The following PCDH15 variants were observed in gnomAD, a reference collection of about 807,000 sequenced individuals.
The protein encoded by PCDH15 is protocadherin related 15, also known as protocadherin-15.
In PCDH15, 129 loss-of-function variants were observed where a neutral mutation model predicts 178.5. The observed-to-expected ratio is 0.72, with a 90% CI of 0.63 to 0.84. The LOEUF (loss-of-function observed/expected upper bound fraction) is 0.84. PCDH15 is among the 40% of genes least tolerant of loss of function. The probability of loss-of-function intolerance (pLI) is 0.00; values close to 1 mark genes in which losing one functional copy is unlikely to be tolerated. For missense variants in PCDH15, 2,230 were observed against 2,099.9 expected (o/e 1.06, Z -1.21); for synonymous variants, 800 against 732.0 (o/e 1.09, Z -1.50).
chr10:54,527,769 A>G (rs998664879), intron 3 of PCDH15, 43 bp downstream of exon 3: 1 of 1,494,964 alleles, frequency 6.7e-7, no homozygotes. Context: ...TCTGAAGAAA[A>G]CCCTCTTAGA....
At chr10:54,451,081 T>C (rs1010304170) in intron 3 of PCDH15, among the ~76,000 whole-genome samples, 1 of 151,876 alleles carries the variant, frequency 6.6e-6, no homozygotes, top group Non-Finnish European at 1.5e-5. Flanking sequence ...AATCTAAATG[T>C]TATTTTTAAC....
At chr10:54,786,250 G>C (rs1018654245) in intron 1 of PCDH15, among the ~76,000 whole-genome samples, 1 of 151,954 alleles carries the variant, frequency 6.6e-6, no homozygotes, top group Non-Finnish European at 1.5e-5. Context: ...GGAGTCCATA[G>C]TTAAAGTCTC....
chr10:54,897,014 GT>G (rs796561694), intron 3 of PCDH15, among the ~76,000 whole-genome samples: 43 of 152,194 alleles, frequency 2.8e-4, no homozygotes, highest in African/African-American at 1.0e-3. Flanking sequence ...TAGGTTTTAT[GT>G]TTTTCCAAAT....
intron 2 of PCDH15, among the ~76,000 whole-genome samples, chr10:55,623,899 T>C (rs1473348744): frequency 1.3e-5 from 2 of 152,108 alleles, no homozygotes; most frequent in Non-Finnish European, 1.5e-5. Flanking sequence ...AGGGTAAAAT[T>C]ATTCAAAATA....
intron 2 of PCDH15, among the ~76,000 whole-genome samples, chr10:54,572,798 T>A (rs2089999934): frequency 6.6e-6 from 1 of 152,042 alleles, no homozygotes; most frequent in Non-Finnish European, 1.5e-5. Flanking sequence ...AAAAATAAGT[T>A]CAAACAAGTA....
At chr10:55,513,544 G>A (rs1358593495) in intron 2 of PCDH15, among the ~76,000 whole-genome samples, 1 of 151,926 alleles carries the variant, frequency 6.6e-6, no homozygotes, top group East Asian at 1.9e-4. Context: ...GTGATAAAAC[G>A]GATAATGTTG....
intron 2 of PCDH15, among the ~76,000 whole-genome samples, chr10:55,000,299 G>A (rs1390938162): frequency 2.0e-5 from 3 of 152,160 alleles, no homozygotes; most frequent in Non-Finnish European, 4.4e-5. Flanking sequence ...TCTCAGGGAT[G>A]TTCCTTGCTG....
chr10:55,437,246 G>A (rs919959441), intron 2 of PCDH15, among the ~76,000 whole-genome samples: 2 of 149,880 alleles, frequency 1.3e-5, no homozygotes, highest in Admixed American at 1.3e-4. Context: ...AAGAGCTGCT[G>A]AGTCAGCCCC....
intron 3 of PCDH15, among the ~76,000 whole-genome samples, chr10:54,462,495 C>CT (rs58985752): frequency 1.3e-5 from 1 of 76,388 alleles, no homozygotes; most frequent in African/African-American, 5.0e-5. Flanking sequence ...CTTTTCTTTT[C>CT]TTTTTCTTTT....
At chr10:55,613,017 ATTTTTTTTT>A (rs34403286) in intron 2 of PCDH15, among the ~76,000 whole-genome samples, 1 of 82,388 alleles carries the variant, frequency 1.2e-5, no homozygotes, top group African/African-American at 4.6e-5. Context: ...TACTAGCCAG[ATTTTTTTTT>A]TTTTTTTTTT....
Position 54,569,558 on chromosome 10 carries a change from T to C in PCDH15, c.92-41681A>G, listed in dbSNP as rs974572226. On this transcript the variant is annotated intron_variant, in intron 2 of 37. Coordinates refer to ENST00000644397, the MANE Select transcript of PCDH15 (RefSeq NM_001384140.1). The stretch of plus-strand genomic sequence containing the variant: ...TAAGCAGGTATTAAGGAAGTTGGTG[T>C]TGGGATAAGATAATTGTGCCAAAGT... Among the ~76,000 whole-genome samples the C allele has an allele frequency of 3.4e-4, 51 of 152,150 alleles. 1 individual carries two copies. Among genetic ancestry groups the C allele is most frequent in the Non-Finnish European group, 5.3e-4 (36 of 68,036 alleles).
chr10:54,064,562 G>A (rs2094100551), intron 18 of PCDH15, among the ~76,000 whole-genome samples: 1 of 152,106 alleles, frequency 6.6e-6, no homozygotes, highest in Non-Finnish European at 1.5e-5. Context: ...TTTATGAGGA[G>A]AAGTGCCTGC....
intron 1 of PCDH15, among the ~76,000 whole-genome samples, chr10:55,223,735 G>A (rs1012339304): frequency 1.3e-5 from 2 of 152,044 alleles, no homozygotes; most frequent in Non-Finnish European, 2.9e-5. Context: ...GTGAGTATAC[G>A]ATTTATTGTA....
At chr10:54,279,327 G>A (rs1398773484) in intron 8 of PCDH15, among the ~76,000 whole-genome samples, 2 of 151,256 alleles carry the variant, frequency 1.3e-5, no homozygotes, top group East Asian at 3.9e-4. Context: ...GATATTCACC[G>A]AACACCAATT....
intron 2 of PCDH15, among the ~76,000 whole-genome samples, chr10:55,611,706 A>G (rs1843369641): frequency 1.3e-5 from 2 of 152,100 alleles, no homozygotes; most frequent in South Asian, 4.1e-4. Context: ...CAACACTTCC[A>G]TGTTCATTGC....
chr10:54,512,941 A>G (rs750653599), intron 3 of PCDH15, among the ~76,000 whole-genome samples: 1 of 152,244 alleles, frequency 6.6e-6, no homozygotes, highest in Admixed American at 6.5e-5. Flanking sequence ...AGAATTAGAC[A>G]GTATTTTTAC....
At chr10:53,956,750 T>A (rs545136110) in intron 23 of PCDH15, among the ~76,000 whole-genome samples, 64 of 152,146 alleles carry the variant, frequency 4.2e-4, no homozygotes, top group Non-Finnish European at 7.5e-4. Context: ...ATTTTGTAAT[T>A]GTTAGAATTC....
chr10:54,076,278 A>G (rs562595944), intron 17 of PCDH15, among the ~76,000 whole-genome samples: 102 of 152,206 alleles, frequency 6.7e-4, no homozygotes, highest in African/African-American at 2.1e-3. Flanking sequence ...TGAAAATGCA[A>G]ATGATTTTGT....
intron 1 of PCDH15, among the ~76,000 whole-genome samples, chr10:54,765,032 T>C (rs1457092334): frequency 6.6e-6 from 1 of 152,178 alleles, no homozygotes; most frequent in Non-Finnish European, 1.5e-5. Flanking sequence ...CAAAAAGCTA[T>C]GACATACAAC....
Sources: allele counts gnomAD v4.1 joint callset (sites outside exome capture counted in the v4.1 genomes callset), GRCh38; gene constraint gnomAD v4.1.1; transcripts MANE v1.5; gene names NCBI Gene and HGNC (gene_info 2026-07-23, HGNC 2026-07-21).